TMEM273: variants seen among roughly 807,000 people sequenced by gnomAD.
TMEM273 encodes the protein chromosome 10 open reading frame 128.
A neutral mutation model predicts 17.9 loss-of-function variants in TMEM273; 19 were observed. That is an observed-to-expected ratio of 1.06 (90% CI 0.74 to 1.55). TMEM273 has a LOEUF of 1.55. Ranked by LOEUF, TMEM273 falls within the 40% of genes most tolerant of loss-of-function variation. TMEM273 has a pLI of 0.00. For synonymous variants in TMEM273, 66 were observed against 62.0 expected (o/e 1.07, Z -0.31); for missense variants, 194 against 155.6 (o/e 1.25, Z -1.31).
chr10:49,158,258 T>C (rs1233231979), intron 6 of TMEM273, among the ~76,000 whole-genome samples: 1 of 152,066 alleles, frequency 6.6e-6, no homozygotes, highest in Non-Finnish European at 1.5e-5. Context: ...TAACTTAATA[T>C]GTAAATATAA....
chr10:49,188,247 C>A, intron 1 of TMEM273, 47 bp downstream of exon 1: 1 of 1,609,242 alleles, frequency 6.2e-7, no homozygotes, highest in South Asian at 1.1e-5. Context: ...CAGTTTCCTG[C>A]CCACTGAGGC....
chr10:49,173,531 C>T (rs1156229953), intron 1 of TMEM273, among the ~76,000 whole-genome samples: 1 of 152,206 alleles, frequency 6.6e-6, no homozygotes, highest in Non-Finnish European at 1.5e-5. Flanking sequence ...TTCAAAGCCA[C>T]TCCTCTGAAA....
chr10:49,177,057 G>A (rs1847028627), intron 1 of TMEM273, among the ~76,000 whole-genome samples: 1 of 152,178 alleles, frequency 6.6e-6, no homozygotes, highest in Admixed American at 6.5e-5. Context: ...GGGAGGCAGG[G>A]TCAGATGGGT....
At chr10:49,186,068 G>A (rs12412648) in intron 1 of TMEM273, among the ~76,000 whole-genome samples, 9,656 of 65,168 alleles carry the variant, frequency 0.15, 1,807 homozygotes, top group East Asian at 0.41. Flanking sequence ...AAGAAGAAGA[G>A]GAAGAAGAAG....
At chr10:49,170,522 G>A (rs1650343760) in intron 1 of TMEM273, among the ~76,000 whole-genome samples, 1 of 152,146 alleles carries the variant, frequency 6.6e-6, no homozygotes. Context: ...CTAATCCCTG[G>A]CCCCAAAGAG....
intron 1 of TMEM273, among the ~76,000 whole-genome samples, chr10:49,176,780 C>A (rs1360465969): frequency 2.6e-5 from 4 of 152,182 alleles, no homozygotes. Context: ...CCTTACTAAA[C>A]CCATCAGCCT....
Position 49,161,634 on chromosome 10 carries a change from G to C in TMEM273, c.349-12C>G, listed in dbSNP as rs1017879993. 1.1e-5 allele frequency: 17 copies of C among 1,614,228 alleles called. No individual in the cohort carries two copies. Among genetic ancestry groups the C allele is most frequent in the Non-Finnish European group, 1.4e-5 (17 of 1,180,024 alleles). ...AATTGTGGTTTCGCCTGCAAAACAA[G>C]ATAAAAGGGTGTTCATTGCCTAAGC... On this transcript the variant is annotated splice_polypyrimidine_tract_variant and intron_variant, in intron 5 of 6. Transcript: ENST00000374153.
At position 49,173,680 on chromosome 10, in the gene TMEM273, C is replaced by T. The variant is rs190782880; in HGVS notation, c.44-5718G>A. On this transcript the variant is annotated intron_variant, in intron 1 of 6. Coordinates refer to ENST00000374153, the MANE Select transcript of TMEM273 (RefSeq NM_001288740.3). ...CAGAGGAAGCTGTTTCTCCCAAGAG[C>T]GAGATGATGCATGAGAGCCCTCGGA... 5.5e-3 allele frequency among the ~76,000 whole-genome samples: 832 copies of T among 152,256 alleles called. 8 individuals are homozygous for T. The highest frequency in any genetic ancestry group is 0.019 in the African/African-American group (777 of 41,548).
At chr10:49,175,813 A>G (rs558688098) in intron 1 of TMEM273, among the ~76,000 whole-genome samples, 37 of 152,318 alleles carry the variant, frequency 2.4e-4, no homozygotes, top group African/African-American at 8.4e-4. Context: ...CTTGAGGAAG[A>G]CGGGGGTTCT....
intron 5 of TMEM273, 139 bp downstream of exon 5, chr10:49,165,066 C>T: frequency 7.9e-7 from 1 of 1,259,608 alleles, no homozygotes; most frequent in Middle Eastern, 2.0e-4. Flanking sequence ...CCGCCCGGAG[C>T]TTACATTTTA....
At chr10:49,186,761 T>C (rs1847753067) in intron 1 of TMEM273, among the ~76,000 whole-genome samples, 1 of 152,168 alleles carries the variant, frequency 6.6e-6, no homozygotes, top group Admixed American at 6.5e-5. Flanking sequence ...TGTACCTCTA[T>C]CAATAGTATA....
intron 1 of TMEM273, among the ~76,000 whole-genome samples, chr10:49,177,002 G>T (rs1296116791): frequency 2.6e-5 from 4 of 152,188 alleles, no homozygotes; most frequent in Non-Finnish European, 5.9e-5. Context: ...ATTCTTCAGG[G>T]GCCCCTTCCA....
chr10:49,180,655 G>GA (rs537309733), intron 1 of TMEM273, among the ~76,000 whole-genome samples: 53 of 150,156 alleles, frequency 3.5e-4, no homozygotes, highest in South Asian at 2.5e-3. Context: ...CTATTTGAAT[G>GA]AAAAAAAAAA....
At position 49,166,904 on chromosome 10, in the gene TMEM273, G is replaced by T. The variant is rs768267802; in HGVS notation, c.203C>A (p.Ser68Tyr). The change falls in exon 3 of 7, where the codon TCT (serine) becomes TAT (tyrosine). Residue 68 changes from serine (S) to tyrosine (Y), a missense_variant. Transcript: ENST00000374153. ...MIRRHLFDDD[S>Y]SDLKSTPGGL... ...CCCAGGCGTGCTTTTCAGGTCGGAA[G>T]AGTCGTCGTCAAATAAGTGCCTCCT... The T allele has an allele frequency of 1.1e-5, 17 of 1,613,996 alleles. No homozygotes were observed. Among genetic ancestry groups the T allele is most frequent in the African/African-American group, 1.3e-5 (1 of 74,938 alleles).
chr10:49,174,919 G>A (rs1846850227), intron 1 of TMEM273, among the ~76,000 whole-genome samples: 2 of 152,190 alleles, frequency 1.3e-5, no homozygotes, highest in Admixed American at 1.3e-4. Context: ...CCCTGCTAAT[G>A]CGTGAAAGTA....
intron 1 of TMEM273, among the ~76,000 whole-genome samples, chr10:49,174,329 G>A (rs1418074731): frequency 2.0e-5 from 3 of 152,174 alleles, no homozygotes; most frequent in Admixed American, 6.5e-5. Context: ...GAAATGAAGT[G>A]CACCTACCCC....
chr10:49,160,165 T>C (rs1405572558), intron 6 of TMEM273, among the ~76,000 whole-genome samples: 1 of 152,206 alleles, frequency 6.6e-6, no homozygotes, highest in African/African-American at 2.4e-5. Context: ...AGGTGAGGAA[T>C]TGTTGGGGGT....
intron 2 of TMEM273, among the ~76,000 whole-genome samples, chr10:49,167,444 G>C (rs1590205363): frequency 6.6e-6 from 1 of 152,270 alleles, no homozygotes; most frequent in Non-Finnish European, 1.5e-5. Context: ...GGGGAGGACA[G>C]GGAAGGAGCT....
intron 1 of TMEM273, chr10:49,178,280 G>A (rs1224847550): frequency 6.6e-6 from 3 of 457,222 alleles, no homozygotes; most frequent in Admixed American, 2.3e-5. Context: ...AGGATGGCAC[G>A]CCACCTGTCC....
Sources: gnomAD v4.1 joint callset for allele counts (sites outside exome capture counted in the v4.1 genomes callset) on GRCh38, gnomAD v4.1.1 for gene constraint, MANE v1.5 for transcripts, NCBI Gene and HGNC (gene_info 2026-07-23, HGNC 2026-07-21) for gene names.